KCNAB1: variants seen among roughly 807,000 people sequenced by gnomAD.
KCNAB1 encodes the protein potassium voltage-gated channel subfamily A regulatory beta subunit 1.
In KCNAB1, 35 loss-of-function variants were observed where a neutral mutation model predicts 64.6. The ratio of observed to expected loss-of-function variants is 0.54; its 90% confidence interval spans 0.41 to 0.72. The LOEUF is 0.72. KCNAB1 is among the 30% of genes least tolerant of loss of function. The pLI is 0.00. For missense variants in KCNAB1, 401 were observed against 512.9 expected (o/e 0.78, Z 2.11); for synonymous variants, 177 against 183.8 (o/e 0.96, Z 0.30).
chr3:156,485,580 C>T (rs1559910134), intron 8 of KCNAB1, among the ~76,000 whole-genome samples: 1 of 151,574 alleles, frequency 6.6e-6, no homozygotes, highest in African/African-American at 2.4e-5. Flanking sequence ...ATTGTCATGA[C>T]TGTTAAATTT....
intron 1 of KCNAB1, among the ~76,000 whole-genome samples, chr3:156,226,793 C>T (rs1228160211): frequency 1.3e-5 from 2 of 152,162 alleles, no homozygotes; most frequent in Non-Finnish European, 2.9e-5. Context: ...TCAGGAAACA[C>T]CCCACAGCCA....
At chr3:156,237,730 C>G (rs375087257) in intron 1 of KCNAB1, among the ~76,000 whole-genome samples, 1 of 152,208 alleles carries the variant, frequency 6.6e-6, no homozygotes, top group East Asian at 1.9e-4. Flanking sequence ...GAGGTCACAT[C>G]CTCAAGGAGG....
chr3:156,498,646 G>T (rs1439334946), intron 8 of KCNAB1, among the ~76,000 whole-genome samples: 2 of 152,130 alleles, frequency 1.3e-5, no homozygotes, highest in East Asian at 1.9e-4. Flanking sequence ...ACTAATACAT[G>T]ACCTAATTAA....
chr3:156,181,283 G>C (rs997765747), intron 1 of KCNAB1, among the ~76,000 whole-genome samples: 2 of 152,166 alleles, frequency 1.3e-5, no homozygotes, highest in African/African-American at 4.8e-5. Flanking sequence ...AAGTCTAGCA[G>C]ACGAAACAAC....
chr3:156,165,277 CAAAAAAAAAAAAAAA>C (rs35419424), intron 1 of KCNAB1, among the ~76,000 whole-genome samples: 4 of 27,134 alleles, frequency 1.5e-4, no homozygotes, highest in South Asian at 2.0e-3. Context: ...GACTCCGTCT[CAAAAAAAAAAAAAAA>C]AAAAAAAAAA....
At chr3:156,202,133 C>CAT (rs1714372346) in intron 1 of KCNAB1, among the ~76,000 whole-genome samples, 2 of 152,036 alleles carry the variant, frequency 1.3e-5, no homozygotes, top group Non-Finnish European at 2.9e-5. Flanking sequence ...CCATGCTCTG[C>CAT]TACAGATGCT....
chr3:156,177,024 C>T, intron 1 of KCNAB1: 1 of 561,134 alleles, frequency 1.8e-6, no homozygotes, highest in Non-Finnish European at 3.2e-6. Context: ...TGTAGTGCCT[C>T]TGTCCCTTCC....
intron 1 of KCNAB1, among the ~76,000 whole-genome samples, chr3:156,206,063 T>C (rs1714643076): frequency 6.6e-6 from 1 of 152,204 alleles, no homozygotes; most frequent in African/African-American, 2.4e-5. Context: ...AGGTAAAACA[T>C]CACCAAGCCC....
chr3:156,131,408 A>T (rs1161907465), intron 1 of KCNAB1, among the ~76,000 whole-genome samples: 1 of 152,240 alleles, frequency 6.6e-6, no homozygotes, highest in Non-Finnish European at 1.5e-5. Context: ...TCAAAAAGAA[A>T]CTTGCCAAAT....
chr3:156,444,896 T>C (rs1717288464), intron 2 of KCNAB1, among the ~76,000 whole-genome samples: 1 of 152,262 alleles, frequency 6.6e-6, no homozygotes, highest in Non-Finnish European at 1.5e-5. Flanking sequence ...TCCCAGCTTT[T>C]ACTCCACCAC....
chr3:156,534,526 G>T (rs1007547518), intron 13 of KCNAB1, among the ~76,000 whole-genome samples: 2 of 152,072 alleles, frequency 1.3e-5, no homozygotes, highest in African/African-American at 4.8e-5. Flanking sequence ...CAGCAGTCGG[G>T]CCTCATCACT....
At chr3:156,277,518 T>G (rs1404045366) in intron 1 of KCNAB1, among the ~76,000 whole-genome samples, 1 of 152,182 alleles carries the variant, frequency 6.6e-6, no homozygotes, top group Non-Finnish European at 1.5e-5. Flanking sequence ...GTTTCTAGCT[T>G]TTTTCACTTA....
intron 1 of KCNAB1, chr3:156,176,069 C>T: frequency 1.3e-6 from 1 of 770,328 alleles, no homozygotes. Context: ...AGGTTCTTTT[C>T]AAAGTTGTGC....
At chr3:156,231,486 C>T (rs1240275658) in intron 1 of KCNAB1, among the ~76,000 whole-genome samples, 1 of 128,850 alleles carries the variant, frequency 7.8e-6, no homozygotes, top group Non-Finnish European at 1.6e-5. Context: ...CTCCCCTCCC[C>T]TCCCCTCCCC....
intron 1 of KCNAB1, among the ~76,000 whole-genome samples, chr3:156,203,791 AAT>A (rs1714486856): frequency 6.6e-6 from 1 of 152,224 alleles, no homozygotes; most frequent in Non-Finnish European, 1.5e-5. Flanking sequence ...CTTTCTATCA[AAT>A]ATATGTTTTT....
At chr3:156,154,167 G>T (rs1190644863) in intron 1 of KCNAB1, among the ~76,000 whole-genome samples, 1 of 152,184 alleles carries the variant, frequency 6.6e-6, no homozygotes, top group Non-Finnish European at 1.5e-5. Context: ...CTTAGAGGTG[G>T]TGCTTTCTGA....
intron 1 of KCNAB1, among the ~76,000 whole-genome samples, chr3:156,131,796 A>AG (rs1714013686): frequency 6.6e-6 from 1 of 152,222 alleles, no homozygotes; most frequent in South Asian, 2.1e-4. Context: ...AGGGGTGGGA[A>AG]GGGTCCAGTC....
chr3:156,142,753 A>G (rs1714775902), intron 1 of KCNAB1, among the ~76,000 whole-genome samples: 1 of 152,234 alleles, frequency 6.6e-6, no homozygotes. Flanking sequence ...GTCTCATTAC[A>G]TACTCATGAA....
At chr3:156,216,586 A>G (rs553986807) in intron 1 of KCNAB1, among the ~76,000 whole-genome samples, 1 of 152,324 alleles carries the variant, frequency 6.6e-6, no homozygotes, top group East Asian at 1.9e-4. Flanking sequence ...TGTTGTTAAG[A>G]AAGACTGTCT....
Sources: gnomAD v4.1 joint callset for allele counts (sites outside exome capture counted in the v4.1 genomes callset) on GRCh38, gnomAD v4.1.1 for gene constraint, MANE v1.5 for transcripts, NCBI Gene and HGNC (gene_info 2026-07-23, HGNC 2026-07-21) for gene names.